The following PRKCA variants were observed in gnomAD, a reference collection of about 807,000 sequenced individuals.
PRKCA encodes the protein protein kinase C alpha type.
In PRKCA, 27 loss-of-function variants were observed where a neutral mutation model predicts 87.0. That is an observed-to-expected ratio of 0.31 (90% CI 0.23 to 0.43). The LOEUF (loss-of-function observed/expected upper bound fraction) is 0.43. Ranked by LOEUF, PRKCA falls within the 20% of genes least tolerant of loss-of-function variation. The pLI is 1.00. For missense variants in PRKCA, 518 were observed against 852.3 expected (o/e 0.61, Z 4.88); for synonymous variants, 329 against 311.1 (o/e 1.06, Z -0.61).
At chr17:66,435,745 G>T (rs1913352671) in intron 2 of PRKCA, among the ~76,000 whole-genome samples, 1 of 152,192 alleles carries the variant, frequency 6.6e-6, no homozygotes, top group Non-Finnish European at 1.5e-5. Context: ...AAGCATGGAG[G>T]ACTTTTTGGG....
chr17:66,514,106 A>G (rs1966885821), intron 3 of PRKCA, among the ~76,000 whole-genome samples: 1 of 152,172 alleles, frequency 6.6e-6, no homozygotes, highest in Admixed American at 6.6e-5. Flanking sequence ...ACAATTAGTT[A>G]TTGTTATTAA....
rs150625898 is a variant in PRKCA, at chr17:66,715,031, A to G, written c.919-17657A>G. On this transcript the variant is annotated intron_variant, in intron 8 of 16. Transcript: ENST00000413366. ...TTAATGACAGTCGGCCCTGCTTTCA[A>G]ATTGCTTGCTCCTGTCAGAGACATT... 2.4e-3 allele frequency among the ~76,000 whole-genome samples: 364 copies of G among 152,302 alleles called. 1 individual carries two copies. The highest frequency in any genetic ancestry group is 8.3e-3 in the African/African-American group (346 of 41,570).
At chr17:66,510,204 C>G (rs149570297) in intron 3 of PRKCA, among the ~76,000 whole-genome samples, 1 of 152,100 alleles carries the variant, frequency 6.6e-6, no homozygotes, top group Non-Finnish European at 1.5e-5. Context: ...ATGTTTCCTG[C>G]GATTCTCTCA....
chr17:66,374,612 G>GAGC (rs2143552371), intron 2 of PRKCA, among the ~76,000 whole-genome samples: 2 of 152,198 alleles, frequency 1.3e-5, no homozygotes, highest in South Asian at 4.1e-4. Flanking sequence ...CTGTTAAAGG[G>GAGC]AGCAGGCTTC....
intron 2 of PRKCA, among the ~76,000 whole-genome samples, chr17:66,367,744 G>A (rs1908818338): frequency 6.6e-6 from 1 of 152,106 alleles, no homozygotes; most frequent in South Asian, 2.1e-4. Flanking sequence ...TGTTTTTGCT[G>A]GCTTTATGGT....
At chr17:66,734,154 G>A (rs959445896) in intron 9 of PRKCA, among the ~76,000 whole-genome samples, 14 of 152,210 alleles carry the variant, frequency 9.2e-5, no homozygotes, top group African/African-American at 3.4e-4. Context: ...AAGGGGTCCT[G>A]ATCCAGACCC....
In PRKCA at chr17:66,605,141, G is replaced by C. The variant is rs144173689; in HGVS notation, c.289-36214G>C. 3.3e-3 allele frequency among the ~76,000 whole-genome samples: 510 copies of C among 152,320 alleles called. 19 individuals carry two copies. The highest frequency in any genetic ancestry group is 0.031 in the Admixed American group (471 of 15,306). ...GTATGTAAAGGGCACAGACTGCATTGTTTTATTCCAAGCATGGGGCCAATG... is the reference window on the plus strand; with the variant it reads ...GTATGTAAAGGGCACAGACTGCATTCTTTTATTCCAAGCATGGGGCCAATG... On this transcript the variant is annotated intron_variant, in intron 3 of 16. Transcript: ENST00000413366.
intron 5 of PRKCA, among the ~76,000 whole-genome samples, chr17:66,680,074 G>A (rs745785636): frequency 3.3e-5 from 5 of 152,176 alleles, no homozygotes; most frequent in South Asian, 2.1e-4. Context: ...TTGTGGAAGC[G>A]TCCTTCACTC....
intron 3 of PRKCA, among the ~76,000 whole-genome samples, chr17:66,513,934 T>A (rs1246071470): frequency 6.6e-6 from 1 of 152,218 alleles, no homozygotes; most frequent in Admixed American, 6.5e-5. Context: ...TTTAATCTTG[T>A]TAGAACAATA....
At chr17:66,657,807 C>T (rs1971777687) in intron 5 of PRKCA, among the ~76,000 whole-genome samples, 1 of 151,930 alleles carries the variant, frequency 6.6e-6, no homozygotes, top group South Asian at 2.1e-4. Flanking sequence ...GGCAGGGACT[C>T]TGTTATCCTT....
intron 3 of PRKCA, among the ~76,000 whole-genome samples, chr17:66,522,329 A>G (rs1327854546): frequency 6.6e-6 from 1 of 152,136 alleles, no homozygotes; most frequent in Non-Finnish European, 1.5e-5. Flanking sequence ...TGCAGTTTCT[A>G]TGTTTATTTC....
intron 11 of PRKCA, among the ~76,000 whole-genome samples, chr17:66,741,206 T>G (rs1176367362): frequency 1.3e-5 from 2 of 152,238 alleles, no homozygotes; most frequent in African/African-American, 4.8e-5. Flanking sequence ...TCGCAAGGAA[T>G]GAAAACACTA....
chr17:66,445,934 C>T (rs2143897841), intron 2 of PRKCA, among the ~76,000 whole-genome samples: 1 of 152,244 alleles, frequency 6.6e-6, no homozygotes, highest in East Asian at 1.9e-4. Context: ...CCACCTCAGC[C>T]TTCCAGGTAG....
At chr17:66,788,260 G>A (rs1469329246) in intron 15 of PRKCA, among the ~76,000 whole-genome samples, 1 of 152,212 alleles carries the variant, frequency 6.6e-6, no homozygotes, top group Non-Finnish European at 1.5e-5. Flanking sequence ...GAGATCGGGA[G>A]GAACTGGCTT....
chr17:66,349,822 CTT>C (rs1195900026), intron 2 of PRKCA, among the ~76,000 whole-genome samples: 5 of 152,106 alleles, frequency 3.3e-5, no homozygotes, highest in Admixed American at 3.3e-4. Context: ...TCCAGTGTCT[CTT>C]ATTTTTAGGG....
intron 3 of PRKCA, among the ~76,000 whole-genome samples, chr17:66,566,769 G>A (rs530102815): frequency 6.6e-6 from 1 of 152,060 alleles, no homozygotes; most frequent in African/African-American, 2.4e-5. Context: ...CATCAGATTT[G>A]CTTTCCTGGT....
At position 66,805,959 on chromosome 17, in the gene PRKCA, A is replaced by G. The variant is rs1426599688; in HGVS notation, c.*1922A>G. On this transcript the variant is annotated 3_prime_UTR_variant, in exon 17 of 17. Transcript: ENST00000413366. ...CTGTCGTTTGCTCCAGCATGCACAA[A>G]CTTCGTGAGACCAACACAGCCGTGC... 1 of 152,188 alleles carries G rather than the reference A, an allele frequency of 6.6e-6. No homozygotes were observed. The highest frequency in any genetic ancestry group is 2.4e-5 in the African/African-American group (1 of 41,450). The allele number at this position is 152,188 out of a possible 1,614,324, so 9.4% of individuals were successfully genotyped here.
Position 66,511,450 on chromosome 17 carries a change from A to G in PRKCA, c.288+15167A>G, listed in dbSNP as rs374471391. Among the ~76,000 whole-genome samples the G allele has an allele frequency of 1.4e-4, 21 of 152,334 alleles. No homozygotes were observed. In the East Asian group the frequency reaches 3.7e-3, roughly 27 times the overall value. On this transcript the variant is annotated intron_variant, in intron 3 of 16. Coordinates refer to ENST00000413366, the MANE Select transcript of PRKCA (RefSeq NM_002737.3). ...TCTCTTTTGCATTTGCTCAGTTTGA[A>G]TGATGCACCAGGATTTAGGTAATTC...
At chr17:66,716,058 T>G (rs1272489917) in intron 8 of PRKCA, among the ~76,000 whole-genome samples, 3 of 152,160 alleles carry the variant, frequency 2.0e-5, no homozygotes, top group African/African-American at 7.2e-5. Context: ...ATCTTCAGTG[T>G]GCTGCAAAGA....
Sources: allele counts gnomAD v4.1 joint callset (sites outside exome capture counted in the v4.1 genomes callset), GRCh38; gene constraint gnomAD v4.1.1; transcripts MANE v1.5; gene names NCBI Gene and HGNC (gene_info 2026-07-23, HGNC 2026-07-21).